Variants in DLGAP1 observed in about 807,000 individuals in gnomAD.
DLGAP1 encodes the protein DLG associated protein 1, also known as disks large-associated protein 1.
In DLGAP1, 11 loss-of-function variants were observed where a neutral mutation model predicts 90.8. That is an observed-to-expected ratio of 0.12 (90% CI 0.08 to 0.20). The LOEUF (loss-of-function observed/expected upper bound fraction) is 0.20, where lower values mean the gene tolerates loss of function less well. Ranked by LOEUF, DLGAP1 falls within the 10% of genes least tolerant of loss-of-function variation. The pLI, the probability that DLGAP1 is intolerant of heterozygous loss-of-function variation, is 1.00. For missense variants in DLGAP1, 1,050 were observed against 1,333.8 expected, an observed-to-expected ratio of 0.79 and a Z score of 3.31; for synonymous variants, 558 against 540.7, an observed-to-expected ratio of 1.03 and a Z score of -0.44.
At chr18:3,681,420 G>A (rs2060509057) in intron 7 of DLGAP1, among the ~76,000 whole-genome samples, 1 of 151,940 alleles carries the variant, frequency 6.6e-6, no homozygotes, top group Non-Finnish European at 1.5e-5. Context: ...AAAATTCAAG[G>A]GTATTTTCTT....
At chr18:3,532,990 T>TG (rs2052109033) in intron 10 of DLGAP1, among the ~76,000 whole-genome samples, 1 of 152,160 alleles carries the variant, frequency 6.6e-6, no homozygotes, top group Non-Finnish European at 1.5e-5. Flanking sequence ...AAAGGTCAAG[T>TG]TTGAAAATAA....
At chr18:3,718,926 GAA>G (rs58552058) in intron 7 of DLGAP1, among the ~76,000 whole-genome samples, 1,210 of 95,452 alleles carry the variant, frequency 0.013, 14 homozygotes, top group African/African-American at 0.029. Flanking sequence ...GACTTTGTCT[GAA>G]AAAAAAAAAA....
At chr18:3,566,034 T>C (rs1281664184) in intron 9 of DLGAP1, among the ~76,000 whole-genome samples, 1 of 152,172 alleles carries the variant, frequency 6.6e-6, no homozygotes, top group Non-Finnish European at 1.5e-5. Flanking sequence ...TTTCCCCATG[T>C]TTCTCCACCT....
At chr18:3,740,985 C>T (rs2062895378) in intron 6 of DLGAP1, among the ~76,000 whole-genome samples, 9 of 140,632 alleles carry the variant, frequency 6.4e-5, no homozygotes, top group South Asian at 2.4e-4. Flanking sequence ...ATCACCACCA[C>T]CACCACCATC....
intron 5 of DLGAP1, among the ~76,000 whole-genome samples, chr18:3,752,312 A>G (rs1318050756): frequency 2.0e-5 from 3 of 151,998 alleles, no homozygotes; most frequent in Non-Finnish European, 4.4e-5. Flanking sequence ...ATTTTAGAAC[A>G]TTTTCATCAT....
At chr18:3,858,515 C>T (rs992327707) in intron 4 of DLGAP1, among the ~76,000 whole-genome samples, 12 of 146,188 alleles carry the variant, frequency 8.2e-5, no homozygotes, top group Non-Finnish European at 1.2e-4. Context: ...TATATATACA[C>T]GTATATATAT....
intron 6 of DLGAP1, among the ~76,000 whole-genome samples, chr18:3,733,847 C>T (rs1379509050): frequency 1.3e-5 from 2 of 152,174 alleles, no homozygotes; most frequent in Non-Finnish European, 2.9e-5. Context: ...ATGCTACACA[C>T]ATCATTTTCT....
At chr18:3,772,751 C>A (rs533258712) in intron 5 of DLGAP1, among the ~76,000 whole-genome samples, 2 of 152,004 alleles carry the variant, frequency 1.3e-5, no homozygotes, top group East Asian at 3.9e-4. Context: ...GCATTGGCAC[C>A]CCCTGGGAGC....
chr18:3,510,986 C>G (rs1015383418), intron 10 of DLGAP1, among the ~76,000 whole-genome samples: 2 of 152,192 alleles, frequency 1.3e-5, no homozygotes, highest in Non-Finnish European at 2.9e-5. Context: ...TGGCAAGAGC[C>G]CTGGCAAAGT....
chr18:3,773,088 C>T (rs962403004), intron 5 of DLGAP1, among the ~76,000 whole-genome samples: 3 of 152,044 alleles, frequency 2.0e-5, no homozygotes, highest in African/African-American at 7.2e-5. Context: ...CTTGTGTATT[C>T]TTAGATGGGA....
At chr18:4,145,780 G>A (rs2076576206) in intron 2 of DLGAP1, among the ~76,000 whole-genome samples, 1 of 152,096 alleles carries the variant, frequency 6.6e-6, no homozygotes, top group African/African-American at 2.4e-5. Flanking sequence ...GAGACCATAT[G>A]AACATTTATT....
chr18:3,741,682 A>T (rs2063053006), intron 6 of DLGAP1, among the ~76,000 whole-genome samples: 1 of 152,116 alleles, frequency 6.6e-6, no homozygotes, highest in Admixed American at 6.5e-5. Flanking sequence ...AGTAACATTA[A>T]TTCTCACCTT....
intron 4 of DLGAP1, among the ~76,000 whole-genome samples, chr18:3,850,891 A>T (rs983060156): frequency 7.2e-5 from 11 of 152,032 alleles, no homozygotes; most frequent in Admixed American, 5.2e-4. Flanking sequence ...ATCTTTATAG[A>T]AAAAAAACAG....
chr18:4,097,112 C>T (rs1035591484), intron 2 of DLGAP1, among the ~76,000 whole-genome samples: 4 of 152,214 alleles, frequency 2.6e-5, no homozygotes, highest in Non-Finnish European at 4.4e-5. Context: ...TGAACAAACA[C>T]TTTCAAAGGC....
chr18:4,101,866 A>T (rs2075783842), intron 2 of DLGAP1, among the ~76,000 whole-genome samples: 1 of 151,850 alleles, frequency 6.6e-6, no homozygotes. Flanking sequence ...GTACATATAT[A>T]AGCAGTTACA....
In DLGAP1 at chr18:3,534,273, G is replaced by C; in HGVS notation, c.2400C>G (p.Leu800=). Residue 800 remains leucine, a synonymous_variant, in exon 10 of 13, where the codon CTC becomes CTG. Transcript: ENST00000315677. ...CCTCCATGCGGTCTCGCTCTGCCTG[G>C]AGAAGCTTCAGGAACCAGTGGCCAT... ...HRDGHWFLKL[L]QAERDRMEGW... is the part of the protein sequence containing the mutation. 1.2e-6 allele frequency: 2 copies of C among 1,614,244 alleles called. No homozygotes were observed. The highest frequency in any genetic ancestry group is 1.7e-6 in the Non-Finnish European group (2 of 1,180,052).
intron 2 of DLGAP1, among the ~76,000 whole-genome samples, chr18:4,079,691 AATAT>A (rs10597845): frequency 0.47 from 68,313 of 146,440 alleles, 16,278 homozygotes; most frequent in Non-Finnish European, 0.52. Flanking sequence ...ATTGAAATTA[AATAT>A]ATATATATAT....
chr18:3,816,842 C>A (rs748162764), intron 4 of DLGAP1, among the ~76,000 whole-genome samples: 2 of 152,130 alleles, frequency 1.3e-5, no homozygotes, highest in Non-Finnish European at 2.9e-5. Flanking sequence ...GTGGCACCTG[C>A]AGAACTGAGC....
At chr18:3,645,371 A>C (rs913057366) in intron 7 of DLGAP1, among the ~76,000 whole-genome samples, 1 of 152,126 alleles carries the variant, frequency 6.6e-6, no homozygotes, top group Non-Finnish European at 1.5e-5. Context: ...AATGAAAATA[A>C]ATAAATAAAT....
Sources: gnomAD v4.1 joint callset for allele counts (sites outside exome capture counted in the v4.1 genomes callset) on GRCh38, gnomAD v4.1.1 for gene constraint, MANE v1.5 for transcripts, NCBI Gene and HGNC (gene_info 2026-07-23, HGNC 2026-07-21) for gene names.